Variants in CYP1A1 observed in about 807,000 individuals in gnomAD.
CYP1A1 encodes the protein cytochrome P450 family 1 subfamily A member 1, also known as cytochrome P450 1A1.
A neutral mutation model predicts 33.6 loss-of-function variants in CYP1A1; 43 were observed. The observed-to-expected ratio is 1.28, with a 90% CI of 1.00 to 1.65. CYP1A1 has a LOEUF of 1.65. Ranked by LOEUF, CYP1A1 falls within the 40% of genes most tolerant of loss-of-function variation. CYP1A1 has a pLI of 0.00. For synonymous variants in CYP1A1, 280 were observed against 257.8 expected, an observed-to-expected ratio of 1.09 and a Z score of -0.83; for missense variants, 637 against 653.7, an observed-to-expected ratio of 0.97 and a Z score of 0.28.
At position 74,721,278 on chromosome 15, in the gene CYP1A1, A is replaced by G; in HGVS notation, c.1087T>C (p.Ser363Pro). The change falls in exon 5 of 7, where the codon TCC (serine) becomes CCC (proline). Residue 363 changes from serine to proline, a missense_variant. Ser to Pro is a moderately conservative substitution (Grantham distance 74). Transcript: ENST00000379727. ...AAGGCCTCCATATAGGGCAGATGGG[A>G]TCTGTCAGAGAGCCGGGGCCGCCGT... is the stretch of plus-strand genomic sequence containing the variant. The part of the protein sequence containing the change: ...RSRRPRLSDR[S>P]HLPYMEAFIL... 6.2e-7 allele frequency: 1 copy of G among 1,613,828 alleles called. No homozygotes were observed.
In CYP1A1 at chr15:74,722,438, C is replaced by G. The variant is rs1403767776; in HGVS notation, c.660G>C (p.Leu220=). The G allele has an allele frequency of 6.2e-7, 1 of 1,614,000 alleles. No individual in the cohort carries two copies. The part of the protein sequence containing the change: ...NHQELLSLVN[L]NNNFGEVVGS... ...CAACCACCTCCCCGAAATTATTATTCAGGTTGACTAGGCTAAGCAGTTCTT... is the reference window on the plus strand; with the variant it reads ...CAACCACCTCCCCGAAATTATTATTGAGGTTGACTAGGCTAAGCAGTTCTT... Residue 220 remains leucine, a synonymous_variant, in exon 2 of 7, where the codon CTG becomes CTC. Transcript: ENST00000379727.
At position 74,719,953 on chromosome 15, in the gene CYP1A1, G is replaced by C. The variant is rs2063155158; in HGVS notation, c.*536C>G. 6.6e-6 allele frequency: 1 copy of C among 152,322 alleles called. No individual in the cohort carries two copies. The highest frequency in any genetic ancestry group is 1.5e-5 in the Non-Finnish European group (1 of 68,162). The allele number at this position is 152,322 out of a possible 1,614,324, so 9.4% of individuals were successfully genotyped here. A position where few individuals can be genotyped will look rare whatever the true frequency, so the allele number is the denominator to read the frequency against. On this transcript the variant is annotated 3_prime_UTR_variant, in exon 7 of 7. Transcript: ENST00000379727. Reference sequence around the variant, plus strand: ...GGGCAGAGGAATGTGATGTTCCCAGGAACTGTGTCCTAGACCCATAGGGTC... The same window carrying C: ...GGGCAGAGGAATGTGATGTTCCCAGCAACTGTGTCCTAGACCCATAGGGTC...
In CYP1A1 at chr15:74,721,666, G is replaced by C. The variant is rs1356947897; in HGVS notation, c.877C>G (p.Gln293Glu). The C allele has an allele frequency of 1.2e-5, 20 of 1,613,972 alleles. No individual in the cohort carries two copies. The highest frequency in any genetic ancestry group is 1.6e-4 in the Middle Eastern group (1 of 6,084). The change falls in exon 3 of 7, where the codon CAG (glutamine) becomes GAG (glutamate). Residue 293 changes from glutamine to glutamate, a missense_variant. By Grantham distance (29) the Gln-to-Glu change is conservative (BLOSUM62 2). Coordinates refer to ENST00000379727, the MANE Select transcript of CYP1A1 (RefSeq NM_001319217.2). ...TGGACATTGGCGTTCTCATCCAGCT[G>C]CTTCTCCTGACAGTGCTCAATCAGG... Reference protein sequence around the residue: ...DSLIEHCQEKQLDENANVQLS... With the variant: ...DSLIEHCQEKELDENANVQLS...
At position 74,722,552 on chromosome 15, in the gene CYP1A1, C is replaced by T; in HGVS notation, c.546G>A (p.Gly182=). ...CCACATACCTGTAGGGGTTAAAGTG[C>T]CCAGGCCCTGCCATCAGCTCCTGCA... ...STLQELMAGP[G]HFNPYRYVVV... is the part of the protein sequence containing the mutation. The change falls in exon 2 of 7, where the codon GGG becomes GGA. Residue 182 remains glycine (G), a synonymous_variant. Coordinates refer to ENST00000379727, the MANE Select transcript of CYP1A1 (RefSeq NM_001319217.2). 9 of 1,614,130 alleles carry T rather than the reference C, an allele frequency of 5.6e-6. No individual in the cohort carries two copies. Among genetic ancestry groups the T allele is most frequent in the Non-Finnish European group, 7.6e-6 (9 of 1,180,026 alleles).
intron 1 of CYP1A1, 135 bp from the exon 2 acceptor site, chr15:74,723,261 TG>T: frequency 1.8e-6 from 1 of 557,746 alleles, no homozygotes; most frequent in Non-Finnish European, 3.1e-6. Context: ...GAGGGTGAGG[TG>T]GGGAGAAGTT....
chr15:74,721,344 T>C (rs367718537), intron 4 of CYP1A1, 22 bp from the exon 5 acceptor site: 6 of 1,613,746 alleles, frequency 3.7e-6, no homozygotes, highest in Non-Finnish European at 5.1e-6. Context: ...AGGGACAAGA[T>C]GGATGCAGGG....
Position 74,720,713 on chromosome 15 carries a change from T to C in CYP1A1, c.1315A>G (p.Ile439Val), listed in dbSNP as rs781545021. Residue 439 changes from isoleucine (I) to valine (V), a missense_variant, in exon 7 of 7, where the codon ATC becomes GTC. Coordinates refer to ENST00000379727, the MANE Select transcript of CYP1A1 (RefSeq NM_001319217.2). ...ACCTTCTCACTTAACACCTTGTCGA[T>C]AGCACCATCAGGGGTGAGAAACCGT... ...PERFLTPDGAIDKVLSEKVII... is the reference protein window; with the variant it reads ...PERFLTPDGAVDKVLSEKVII... The C allele has an allele frequency of 3.1e-6, 5 of 1,614,116 alleles. No individual in the cohort carries two copies. In the South Asian group the frequency reaches 5.5e-5, roughly 18 times the overall value.
chr15:74,722,245 C>T (rs761449549), intron 2 of CYP1A1, 28 bp downstream of exon 2: 2 of 1,580,102 alleles, frequency 1.3e-6, no homozygotes, highest in African/African-American at 1.3e-5. Context: ...TGCTTCCCAC[C>T]ACCCACCTGC....
chr15:74,721,094 C>G (rs768538462), intron 5 of CYP1A1, 41 bp from the exon 6 acceptor site: 1 of 1,611,512 alleles, frequency 6.2e-7, no homozygotes, highest in Non-Finnish European at 8.5e-7. Context: ...GGGCAACAGG[C>G]AAATCTCCCT....
Position 74,722,823 on chromosome 15 carries a change from A to C in CYP1A1, c.275T>G (p.Ile92Ser). The C allele has an allele frequency of 6.2e-7, 1 of 1,613,980 alleles. No homozygotes were observed. The highest frequency in any genetic ancestry group is 2.2e-5 in the East Asian group (1 of 44,874). Reference sequence around the variant, plus strand: ...GCCCTGCCGCACCAGGGCCTGCCGGATGGTGTCCAGGCCGCTCAGCACCAC... The same window carrying C: ...GCCCTGCCGCACCAGGGCCTGCCGGCTGGTGTCCAGGCCGCTCAGCACCAC... ...PVVVLSGLDTIRQALVRQGDD... is the reference protein window; with the variant it reads ...PVVVLSGLDTSRQALVRQGDD... The change falls in exon 2 of 7, where the codon ATC (isoleucine) becomes AGC (serine). Residue 92 changes from isoleucine to serine, a missense_variant. Coordinates refer to ENST00000379727, the MANE Select transcript of CYP1A1 (RefSeq NM_001319217.2).
At position 74,722,721 on chromosome 15, in the gene CYP1A1, T is replaced by C. The variant is rs763346193; in HGVS notation, c.377A>G (p.Asp126Gly). The part of the protein sequence containing the change: ...SNGQSMSFSP[D>G]SGPVWAARRR... ...GCGGGCAGCCCACACTGGTCCAGAG[T>C]CTGGGCTGAAGGACATGCTCTGACC... is the stretch of plus-strand genomic sequence containing the variant. The change falls in exon 2 of 7, where the codon GAC (aspartate) becomes GGC (glycine). Residue 126 changes from aspartate to glycine, a missense_variant. Physicochemically the swap from Asp to Gly is moderately conservative, Grantham distance 94. Transcript: ENST00000379727. 6.2e-6 allele frequency: 10 copies of C among 1,613,118 alleles called. No individual in the cohort carries two copies. Among genetic ancestry groups the C allele is most frequent in the Non-Finnish European group, 8.5e-6 (10 of 1,179,998 alleles).
chr15:74,720,837 G>C (rs990500437), intron 6 of CYP1A1, 63 bp from the exon 7 acceptor site: 3 of 1,572,758 alleles, frequency 1.9e-6, no homozygotes, highest in South Asian at 2.4e-5. Flanking sequence ...AGTGAGTGGA[G>C]CTCCAGCCCC....
chr15:74,725,035 C>T (rs1250512999), intron 1 of CYP1A1: 1 of 152,282 alleles, frequency 6.6e-6, no homozygotes, highest in African/African-American at 2.4e-5. Context: ...CCAGCCCACC[C>T]CCTCCATCCA....
At position 74,721,680 on chromosome 15, in the gene CYP1A1, T is replaced by A; in HGVS notation, c.863A>T (p.His288Leu). 2 of 1,614,194 alleles carry A rather than the reference T, an allele frequency of 1.2e-6. No individual in the cohort carries two copies. Among genetic ancestry groups the A allele is most frequent in the Non-Finnish European group, 8.5e-7 (1 of 1,180,038 alleles). Residue 288 changes from histidine (H) to leucine (L), a missense_variant, in exon 3 of 7, where the codon CAC becomes CTC. Coordinates refer to ENST00000379727, the MANE Select transcript of CYP1A1 (RefSeq NM_001319217.2). ...IRDITDSLIE[H>L]CQEKQLDENA... ...CTCATCCAGCTGCTTCTCCTGACAG[T>A]GCTCAATCAGGCTGTCTGTGATGTC...
At position 74,720,442 on chromosome 15, in the gene CYP1A1, C is replaced by T. The variant is rs1314956556; in HGVS notation, c.*47G>A. On this transcript the variant is annotated 3_prime_UTR_variant, in exon 7 of 7. Coordinates refer to ENST00000379727, the MANE Select transcript of CYP1A1 (RefSeq NM_001319217.2). ...AGGCCAGCCTGCTGGTCTGGCTGCC[C>T]AACCAGACCAGGTAGACAGAGTCTA... 1 of 1,514,986 alleles carries T rather than the reference C, an allele frequency of 6.6e-7. No individual in the cohort carries two copies. Among genetic ancestry groups the T allele is most frequent in the Non-Finnish European group, 8.8e-7 (1 of 1,133,096 alleles). 93.8% of individuals were successfully genotyped at this position (1,514,986 alleles called of 1,614,324 possible).
At chr15:74,724,874 A>G (rs1379806329) in intron 1 of CYP1A1, among the ~76,000 whole-genome samples, 1 of 152,136 alleles carries the variant, frequency 6.6e-6, no homozygotes, top group Non-Finnish European at 1.5e-5. Flanking sequence ...AAGATGGTCA[A>G]TGAGATAGGA....
rs1292016862 is a variant in CYP1A1 at position 74,720,501 on chromosome 15, C to A, written c.1527G>T (p.Gln509His). The change falls in exon 7 of 7, where the codon CAG (glutamine) becomes CAT (histidine). Residue 509 changes from glutamine (Q) to histidine (H), a missense_variant. By Grantham distance (24) the Gln-to-His change is conservative. Transcript: ENST00000379727. ...KHACCEHFQMQLRS is the reference protein window; with the variant it reads ...KHACCEHFQMHLRS ...GGCTCTCAAGCACCTAAGAGCGCAG[C>A]TGCATTTGGAAGTGCTCACAGCAGG... 2 of 1,569,826 alleles carry A rather than the reference C, an allele frequency of 1.3e-6. No individual in the cohort carries two copies. Among genetic ancestry groups the A allele is most frequent in the Non-Finnish European group, 1.7e-6 (2 of 1,158,118 alleles).
Position 74,720,318 on chromosome 15 carries a change from T to C in CYP1A1, c.*171A>G, listed in dbSNP as rs2063157010. The C allele has an allele frequency of 4.8e-6, 3 of 622,066 alleles. No individual in the cohort carries two copies. Among genetic ancestry groups the C allele is most frequent in the Non-Finnish European group, 7.7e-6 (3 of 387,834 alleles). 38.5% of individuals were successfully genotyped at this position (622,066 alleles called of 1,614,324 possible). On this transcript the variant is annotated 3_prime_UTR_variant, in exon 7 of 7. Transcript: ENST00000379727. ...AGGGTGTGCAGAGGCAAGTCCAGGG[T>C]AGGGGCAGGCAGGATCCCTTAGGCT...
intron 6 of CYP1A1, 71 bp downstream of exon 6, chr15:74,720,896 A>G: frequency 6.4e-7 from 1 of 1,572,330 alleles, no homozygotes; most frequent in East Asian, 2.2e-5. Flanking sequence ...GATCAATGCA[A>G]TGATTGTATT....
Sources: allele counts gnomAD v4.1 joint callset (sites outside exome capture counted in the v4.1 genomes callset), GRCh38; gene constraint gnomAD v4.1.1; transcripts MANE v1.5; gene names NCBI Gene and HGNC (gene_info 2026-07-23, HGNC 2026-07-21).